PLEKHB2: variants seen among roughly 807,000 people sequenced by gnomAD.
PLEKHB2 encodes pleckstrin homology domain-containing family B member 2.
Under a neutral mutation model 36.5 loss-of-function variants are expected in PLEKHB2, and 31 were observed. The ratio of observed to expected loss-of-function variants is 0.85; its 90% CI spans 0.64 to 1.15. The LOEUF (loss-of-function observed/expected upper bound fraction) is 1.15, where lower values mean the gene tolerates loss of function less well. PLEKHB2 is among the 50% of genes most tolerant of loss of function. The pLI is 0.00. For synonymous variants in PLEKHB2, 119 were observed against 112.0 expected (o/e 1.06, Z -0.39); for missense variants, 262 against 295.3 (o/e 0.89, Z 0.83).
At position 131,140,250 on chromosome 2, in the gene PLEKHB2, C is replaced by T. The variant is rs748731919; in HGVS notation, c.507C>T (p.Ala169=). The change falls in exon 7 of 8, where the codon GCC becomes GCT. Residue 169 remains alanine (A), a synonymous_variant. Coordinates refer to ENST00000693505, the MANE Select transcript of PLEKHB2 (RefSeq NM_001100623.2). ...ACGCTGCGAATGGGCAGGCGTATGC[C>T]GTGCCCTACCAGTACCCATATGCAG... ...VVYAANGQAY[A]VPYQYPYAGL... 9 of 1,608,690 alleles carry T rather than the reference C, an allele frequency of 5.6e-6. No individual in the cohort carries two copies. Among genetic ancestry groups the T allele is most frequent in the Admixed American group, 3.3e-5 (2 of 59,852 alleles).
chr2:131,142,118 A>G (rs1698848643), intron 7 of PLEKHB2, among the ~76,000 whole-genome samples: 2 of 152,164 alleles, frequency 1.3e-5, no homozygotes, highest in African/African-American at 4.8e-5. Flanking sequence ...CGATTCACCT[A>G]AGGGGCACAT....
At chr2:131,137,138 G>A (rs1477663487) in intron 6 of PLEKHB2, among the ~76,000 whole-genome samples, 11 of 151,876 alleles carry the variant, frequency 7.2e-5, no homozygotes, top group African/African-American at 1.9e-4. Flanking sequence ...TAGTAGAGAC[G>A]GGGTTTCACT....
intron 1 of PLEKHB2, among the ~76,000 whole-genome samples, chr2:131,119,693 T>G (rs1434988947): frequency 6.6e-6 from 1 of 152,198 alleles, no homozygotes; most frequent in African/African-American, 2.4e-5. Context: ...GCATCAGTTT[T>G]CTTTCTGCCA....
chr2:131,128,192 T>G (rs971836146), intron 4 of PLEKHB2, among the ~76,000 whole-genome samples: 4 of 152,180 alleles, frequency 2.6e-5, no homozygotes, highest in African/African-American at 9.7e-5. Flanking sequence ...AACTACCAGT[T>G]GATACCAGAT....
intron 6 of PLEKHB2, among the ~76,000 whole-genome samples, chr2:131,136,158 C>T (rs1187185935): frequency 9.7e-5 from 14 of 144,868 alleles, no homozygotes; most frequent in African/African-American, 3.5e-4. Context: ...GTCTTCCTGC[C>T]TCCTCCCTCC....
intron 1 of PLEKHB2, 99 bp from the exon 2 acceptor site, chr2:131,120,835 C>A: frequency 8.0e-7 from 1 of 1,247,398 alleles, no homozygotes; most frequent in Non-Finnish European, 1.2e-6. Flanking sequence ...TTGGGCCCTT[C>A]CTCAGCTGAT....
At chr2:131,131,559 G>A (rs1345189321) in intron 5 of PLEKHB2, among the ~76,000 whole-genome samples, 1 of 152,008 alleles carries the variant, frequency 6.6e-6, no homozygotes, top group Non-Finnish European at 1.5e-5. Flanking sequence ...TCTTTAGATG[G>A]GATTTTTCTC....
intron 6 of PLEKHB2, among the ~76,000 whole-genome samples, chr2:131,138,583 C>T (rs914796308): frequency 7.9e-5 from 12 of 152,132 alleles, no homozygotes; most frequent in Non-Finnish European, 1.8e-4. Context: ...CCTTGAGCCT[C>T]AGTTGACACC....
At chr2:131,129,671 A>G (rs1697467147) in intron 4 of PLEKHB2, among the ~76,000 whole-genome samples, 1 of 58,424 alleles carries the variant, frequency 1.7e-5, no homozygotes, top group Admixed American at 3.0e-4. Context: ...CGCCCAGCTA[A>G]TTTTGTGTTT....
intron 7 of PLEKHB2, among the ~76,000 whole-genome samples, chr2:131,145,073 T>G (rs1235710121): frequency 6.6e-6 from 1 of 152,228 alleles, no homozygotes; most frequent in African/African-American, 2.4e-5. Context: ...TCATTCATCA[T>G]CCTCTGTTGT....
rs1172218981 is a variant in PLEKHB2, at chr2:131,121,326, G to A, written c.37+348G>A. Among the ~76,000 whole-genome samples, 4 of 152,232 alleles carry A rather than the reference G, an allele frequency of 2.6e-5. No homozygotes were observed. In the East Asian group the frequency reaches 7.7e-4, roughly 29 times the overall value. On this transcript the variant is annotated intron_variant, in intron 2 of 7. Coordinates refer to ENST00000693505, the MANE Select transcript of PLEKHB2 (RefSeq NM_001100623.2). ...TGCAGTGGCGCGATCTCGGCTCACC[G>A]CAGCCTCCGCTTCCTGGGTTCAAGT...
chr2:131,114,102 T>C (rs1258961674), intron 1 of PLEKHB2, among the ~76,000 whole-genome samples: 1 of 152,176 alleles, frequency 6.6e-6, no homozygotes, highest in Admixed American at 6.5e-5. Context: ...GCTGCTGTTC[T>C]CTGTGGATTT....
At chr2:131,146,546 A>T in intron 7 of PLEKHB2, 91 bp from the exon 8 acceptor site, 1 of 1,352,560 alleles carries the variant, frequency 7.4e-7, no homozygotes, top group Non-Finnish European at 1.0e-6. Context: ...GAGACAGCAG[A>T]TCCCTTTTGT....
chr2:131,117,473 C>T (rs907610591), intron 1 of PLEKHB2, among the ~76,000 whole-genome samples: 9 of 152,184 alleles, frequency 5.9e-5, no homozygotes, highest in African/African-American at 2.2e-4. Flanking sequence ...TCAGGAGACT[C>T]CTGTTACTCC....
intron 1 of PLEKHB2, among the ~76,000 whole-genome samples, chr2:131,105,787 A>G (rs1287015631): frequency 1.3e-5 from 2 of 151,566 alleles, no homozygotes. Flanking sequence ...TCCGCCTTGC[A>G]TCCTTTCTGG....
Position 131,126,694 on chromosome 2 carries a change from C to G in PLEKHB2, c.201C>G (p.Pro67=). The G allele has an allele frequency of 6.2e-7, 1 of 1,600,272 alleles. No individual in the cohort carries two copies. Among genetic ancestry groups the G allele is most frequent in the Non-Finnish European group, 8.6e-7 (1 of 1,167,480 alleles). Residue 67 remains proline (P), a synonymous_variant, in exon 4 of 8, where the codon CCC becomes CCG. Coordinates refer to ENST00000693505, the MANE Select transcript of PLEKHB2 (RefSeq NM_001100623.2). Reference sequence around the variant, plus strand: ...GCTTATTTTTCATAGATACTCAGCCCCCGGATGGAAAGTCAAAAGACTGCA... The same window carrying G: ...GCTTATTTTTCATAGATACTCAGCCGCCGGATGGAAAGTCAAAAGACTGCA... ...RTGQECRDTQ[P]PDGKSKDCML...
At chr2:131,119,573 T>A (rs757891307) in intron 1 of PLEKHB2, among the ~76,000 whole-genome samples, 6 of 152,242 alleles carry the variant, frequency 3.9e-5, no homozygotes, top group Non-Finnish European at 7.3e-5. Context: ...GGTGAACCTC[T>A]GCACATATCT....
intron 1 of PLEKHB2, among the ~76,000 whole-genome samples, chr2:131,118,724 C>A (rs527351018): frequency 6.6e-6 from 1 of 151,418 alleles, no homozygotes; most frequent in South Asian, 2.1e-4. Context: ...AAAAATTAGC[C>A]GGGCGTGGTG....
intron 6 of PLEKHB2, among the ~76,000 whole-genome samples, chr2:131,138,467 T>G (rs1698480744): frequency 6.6e-6 from 1 of 152,168 alleles, no homozygotes; most frequent in Admixed American, 6.5e-5. Context: ...GCTGGACATT[T>G]TAAGTACTGT....
Sources: allele counts gnomAD v4.1 joint callset (sites outside exome capture counted in the v4.1 genomes callset), GRCh38; gene constraint gnomAD v4.1.1; transcripts MANE v1.5; gene names NCBI Gene and HGNC (gene_info 2026-07-23, HGNC 2026-07-21).